The following TANK variants were observed in gnomAD, a reference collection of about 807,000 sequenced individuals.
The protein encoded by TANK is TRAF family member-associated NF-kappa-B activator.
A neutral mutation model predicts 43.6 loss-of-function variants in TANK; 15 were observed. The ratio of observed to expected loss-of-function variants is 0.34; its 90% CI spans 0.23 to 0.53. The LOEUF (loss-of-function observed/expected upper bound fraction) is 0.53. Among genes scored for constraint, TANK ranks in the 20% least tolerant of loss-of-function variants. The pLI is 0.94. For missense variants in TANK, 417 were observed against 498.6 expected (o/e 0.84, Z 1.56); for synonymous variants, 162 against 178.2 (o/e 0.91, Z 0.73).
chr2:161,207,114 T>C (rs1686687354), intron 4 of TANK, among the ~76,000 whole-genome samples: 1 of 152,140 alleles, frequency 6.6e-6, no homozygotes, highest in South Asian at 2.1e-4. Context: ...TGGAAATCTT[T>C]TTAAAAATTA....
chr2:161,140,269 C>T (rs1435191477), intron 1 of TANK, among the ~76,000 whole-genome samples: 5 of 152,084 alleles, frequency 3.3e-5, no homozygotes, highest in East Asian at 3.8e-4. Flanking sequence ...TCTTTAAATG[C>T]TTACAATGTC....
chr2:161,170,134 T>C (rs551516735), intron 1 of TANK, among the ~76,000 whole-genome samples: 1 of 152,244 alleles, frequency 6.6e-6, no homozygotes, highest in East Asian at 1.9e-4. Flanking sequence ...CTGTAGATAG[T>C]TTGAGAATTG....
chr2:161,169,169 A>G (rs756126768), intron 1 of TANK, among the ~76,000 whole-genome samples: 5 of 152,222 alleles, frequency 3.3e-5, no homozygotes, highest in African/African-American at 4.8e-5. Context: ...AGGTCCCAAG[A>G]TGAAGGCTTT....
chr2:161,231,666 C>A, intron 7 of TANK, 115 bp downstream of exon 7: 4 of 967,782 alleles, frequency 4.1e-6, no homozygotes, highest in Non-Finnish European at 4.6e-6. Flanking sequence ...CTACTGACAG[C>A]CAAAGTTAAG....
intron 1 of TANK, among the ~76,000 whole-genome samples, chr2:161,164,710 C>T (rs141688623): frequency 6.6e-6 from 1 of 152,104 alleles, no homozygotes; most frequent in Non-Finnish European, 1.5e-5. Context: ...AATTCCTAAT[C>T]TATAAAAGCT....
chr2:161,187,064 A>G (rs114756879), intron 2 of TANK, among the ~76,000 whole-genome samples: 4 of 152,222 alleles, frequency 2.6e-5, no homozygotes, highest in Non-Finnish European at 4.4e-5. Flanking sequence ...GAACACTCAT[A>G]CAGTTGTTAA....
intron 4 of TANK, chr2:161,212,192 C>T (rs1038386252): frequency 3.3e-6 from 1 of 306,574 alleles, no homozygotes; most frequent in Non-Finnish European, 4.8e-6. Context: ...TCCCGAATAG[C>T]TGGGATTACA....
chr2:161,156,422 T>C (rs986114580), upstream of TANK: 1 of 923,706 alleles, frequency 1.1e-6, no homozygotes, highest in African/African-American at 1.8e-5. Flanking sequence ...TAGCTTATCA[T>C]GTATTTCATC....
chr2:161,223,384 C>T (rs1360031837), intron 4 of TANK: 1 of 152,046 alleles, frequency 6.6e-6, no homozygotes, highest in Non-Finnish European at 1.5e-5. Flanking sequence ...TACATAATTG[C>T]ACCATCTTTA....
At chr2:161,208,504 A>G (rs914895460) in intron 4 of TANK, among the ~76,000 whole-genome samples, 16 of 152,148 alleles carry the variant, frequency 1.1e-4, no homozygotes, top group Non-Finnish European at 2.9e-5. Flanking sequence ...TGCATTATCT[A>G]TCATATTATT....
Position 161,204,811 on chromosome 2 carries a change from A to G in TANK, c.327+18A>G. 6.2e-7 allele frequency: 1 copy of G among 1,602,514 alleles called. No individual in the cohort carries two copies. Among genetic ancestry groups the G allele is most frequent in the Non-Finnish European group, 8.5e-7 (1 of 1,176,476 alleles). The stretch of plus-strand genomic sequence containing the variant: ...TACCAAAGGTAGACATTGCTTCTGC[A>G]GAAAGCAGCATTTAAATGCTGATGC... On this transcript the variant is annotated intron_variant, in intron 4 of 7. Coordinates refer to ENST00000392749, the MANE Select transcript of TANK (RefSeq NM_001199135.3).
chr2:161,189,544 G>A (rs532376250), intron 2 of TANK, among the ~76,000 whole-genome samples: 37 of 152,108 alleles, frequency 2.4e-4, no homozygotes, highest in African/African-American at 8.7e-4. Context: ...AGACAGAGCA[G>A]TTAAGGAAGA....
At chr2:161,141,490 C>T (rs966345401) in intron 1 of TANK, among the ~76,000 whole-genome samples, 14 of 152,112 alleles carry the variant, frequency 9.2e-5, no homozygotes, top group Non-Finnish European at 1.8e-4. Context: ...TCTTGCCCCT[C>T]AACCCTGACT....
intron 7 of TANK, chr2:161,232,911 T>TA: frequency 6.8e-7 from 1 of 1,469,438 alleles, no homozygotes; most frequent in Non-Finnish European, 9.1e-7. Context: ...AGATAATTGA[T>TA]ATTTTGGCAG....
intron 1 of TANK, among the ~76,000 whole-genome samples, chr2:161,172,680 CA>C (rs1482880032): frequency 1.3e-5 from 2 of 152,130 alleles, no homozygotes; most frequent in African/African-American, 4.8e-5. Flanking sequence ...GAACCATCTG[CA>C]ACAAAATCAC....
At chr2:161,211,954 CT>C in intron 4 of TANK, 2 of 966,812 alleles carry the variant, frequency 2.1e-6, no homozygotes, top group African/African-American at 1.8e-5. Flanking sequence ...GGAGACTAGC[CT>C]TTTTTATAGA....
chr2:161,182,783 T>G (rs1377778088), intron 2 of TANK, among the ~76,000 whole-genome samples: 4 of 152,142 alleles, frequency 2.6e-5, no homozygotes, highest in Admixed American at 6.5e-5. Context: ...AACCCAGCAG[T>G]TCCTGTCTAT....
intron 1 of TANK, among the ~76,000 whole-genome samples, chr2:161,166,727 A>G (rs190341976): frequency 2.6e-4 from 40 of 152,136 alleles, no homozygotes; most frequent in Admixed American, 4.6e-4. Context: ...TCCAGGCTGC[A>G]GTGGGCTATG....
chr2:161,228,744 C>T (rs1054592026), intron 6 of TANK, among the ~76,000 whole-genome samples: 1 of 152,198 alleles, frequency 6.6e-6, no homozygotes, highest in African/African-American at 2.4e-5. Flanking sequence ...CCTGCAAATT[C>T]CATTCACGGT....
Sources: gnomAD v4.1 joint callset for allele counts (sites outside exome capture counted in the v4.1 genomes callset) on GRCh38, gnomAD v4.1.1 for gene constraint, MANE v1.5 for transcripts, NCBI Gene and HGNC (gene_info 2026-07-23, HGNC 2026-07-21) for gene names.